The following RDX variants were observed in gnomAD, a reference collection of about 807,000 sequenced individuals.
RDX encodes radixin.
Under a neutral mutation model 83.7 loss-of-function variants are expected in RDX, and 32 were observed. The observed-to-expected ratio is 0.38, with a 90% CI of 0.29 to 0.51. RDX has a LOEUF of 0.51. Among genes scored for constraint, RDX ranks in the 20% least tolerant of loss-of-function variants. The pLI, the probability that RDX is intolerant of heterozygous loss-of-function variation, is 0.87. For missense variants in RDX, 600 were observed against 689.9 expected, an observed-to-expected ratio of 0.87 and a Z score of 1.46; for synonymous variants, 229 against 222.7, an observed-to-expected ratio of 1.03 and a Z score of -0.25.
Position 110,272,600 on chromosome 11 carries a change from G to A in RDX, c.32C>T (p.Thr11Ile). The change falls in exon 3 of 14, where the codon ACA becomes ATA. Residue 11 changes from threonine (T) to isoleucine (I), a missense_variant. Thr to Ile is a moderately conservative substitution (Grantham distance 89, BLOSUM62 -1). Transcript: ENST00000645495. MPKPINVRVT[T>I]MDAELEFAIQ... is the part of the protein sequence containing the mutation. ...GGCAAATTCCAGCTCAGCATCCATT[G>A]TAGTTACTCTTACGTTGATCTGTAA... The A allele has an allele frequency of 6.2e-7, 1 of 1,611,148 alleles. No individual in the cohort carries two copies. Among genetic ancestry groups the A allele is most frequent in the Non-Finnish European group, 8.5e-7 (1 of 1,178,360 alleles).
At position 110,247,775 on chromosome 11, in the gene RDX, T is replaced by G. The variant is rs1859168890; in HGVS notation, c.1018A>C (p.Ile340Leu). 6.2e-7 allele frequency: 1 copy of G among 1,605,580 alleles called. No homozygotes were observed. The highest frequency in any genetic ancestry group is 1.7e-5 in the Admixed American group (1 of 59,058). Residue 340 changes from isoleucine (I) to leucine (L), a missense_variant, in exon 10 of 14, where the codon ATA (isoleucine) becomes CTA (leucine). Coordinates refer to ENST00000645495, the MANE Select transcript of RDX (RefSeq NM_002906.4). ...ATTAGCTCTTCCTTTTCACGTTCTA[T>G]TCTTTCCTTTTCCTTTTCTGCTATT... ...REIAEKEKER[I>L]EREKEELMER...
chr11:110,282,403 TCTTC>T (rs1860799180), intron 1 of RDX, among the ~76,000 whole-genome samples: 1 of 152,088 alleles, frequency 6.6e-6, no homozygotes, highest in Non-Finnish European at 1.5e-5. Flanking sequence ...TATCAGCCTG[TCTTC>T]CTTTTTTTTT....
At chr11:110,294,332 T>C (rs1591194963) in intron 1 of RDX, among the ~76,000 whole-genome samples, 1 of 152,258 alleles carries the variant, frequency 6.6e-6, no homozygotes, top group East Asian at 1.9e-4. Context: ...GAGGCGGAGG[T>C]GCAGTGAGCC....
At chr11:110,180,332 C>T (rs1254456925) in intron 15 of RDX, among the ~76,000 whole-genome samples, 2 of 152,164 alleles carry the variant, frequency 1.3e-5, no homozygotes, top group Non-Finnish European at 2.9e-5. Context: ...CCCCAACCCC[C>T]ATATGGCCAA....
rs144543614 is a variant in RDX at position 110,264,073 on chromosome 11, C to A, written c.354G>T (p.Pro118=). Residue 118 remains proline (P), a synonymous_variant, in exon 5 of 14, where the codon CCG becomes CCT. Coordinates refer to ENST00000645495, the MANE Select transcript of RDX (RefSeq NM_002906.4). ...EAILNDEIYC[P]PETAVLLASY... ...AAGCCAAAAGAACTGCAGTTTCTGG[C>A]GGGCAATATATCTCATCATTTAAGA... is the stretch of plus-strand genomic sequence containing the variant. 606 of 1,613,698 alleles carry A rather than the reference C, an allele frequency of 3.8e-4. 6 individuals are homozygous for A. In the East Asian group the frequency reaches 7.4e-3, roughly 20 times the overall value.
chr11:110,201,903 T>TTGTGTGTGTGTGTGTG (rs141731309), intron 14 of RDX, among the ~76,000 whole-genome samples: 75 of 137,318 alleles, frequency 5.5e-4, no homozygotes, highest in South Asian at 1.0e-3. Flanking sequence ...CCGGCTAATT[T>TTGTGTGTGTGTGTGTG]TGTGTGTGTG....
At chr11:110,184,285 T>C (rs1460349211) in intron 15 of RDX, among the ~76,000 whole-genome samples, 1 of 152,148 alleles carries the variant, frequency 6.6e-6, no homozygotes. Context: ...GCTCTGACCA[T>C]GAAATATTGG....
At chr11:110,190,067 G>A (rs987593658) in intron 15 of RDX, among the ~76,000 whole-genome samples, 1 of 151,908 alleles carries the variant, frequency 6.6e-6, no homozygotes, top group Non-Finnish European at 1.5e-5. Flanking sequence ...TAGGCAACAA[G>A]AGCGAAACTC....
intron 14 of RDX, among the ~76,000 whole-genome samples, chr11:110,215,729 A>G (rs1231075208): frequency 2.0e-5 from 3 of 152,218 alleles, no homozygotes; most frequent in African/African-American, 7.2e-5. Flanking sequence ...AGTTGGCTTT[A>G]AACTGGAAAG....
chr11:110,180,446 G>A (rs892089097), intron 15 of RDX, among the ~76,000 whole-genome samples: 2 of 152,120 alleles, frequency 1.3e-5, no homozygotes, highest in African/African-American at 4.8e-5. Context: ...AGTGTCTCCT[G>A]CTGGAGTCCC....
At chr11:110,190,900 G>A (rs771158373) in intron 15 of RDX, among the ~76,000 whole-genome samples, 9 of 152,140 alleles carry the variant, frequency 5.9e-5, no homozygotes, top group African/African-American at 1.4e-4. Flanking sequence ...GGAAGAAATC[G>A]AAACTCTGAA....
intron 13 of RDX, among the ~76,000 whole-genome samples, chr11:110,232,929 T>C (rs1274432179): frequency 6.6e-6 from 1 of 152,220 alleles, no homozygotes; most frequent in African/African-American, 2.4e-5. Context: ...ATGTACATAT[T>C]ACTGATCAAA....
chr11:110,251,163 T>C (rs1859323463), intron 9 of RDX, among the ~76,000 whole-genome samples: 1 of 152,178 alleles, frequency 6.6e-6, no homozygotes, highest in Non-Finnish European at 1.5e-5. Flanking sequence ...TTATTTGGAG[T>C]TTGGGTTTGA....
chr11:110,254,138 T>C, intron 8 of RDX, 29 bp from the exon 9 acceptor site: 8 of 1,594,984 alleles, frequency 5.0e-6, no homozygotes, highest in Non-Finnish European at 6.9e-6. Flanking sequence ...GAATTTAAAA[T>C]CTTCCTCAAG....
intron 2 of RDX, among the ~76,000 whole-genome samples, chr11:110,278,858 C>CA (rs202212312): frequency 0.011 from 1,124 of 101,552 alleles, 11 homozygotes; most frequent in African/African-American, 0.031. Flanking sequence ...AAGAAACATT[C>CA]AAAAAAAAAA....
At chr11:110,289,396 T>C (rs1175030057) in intron 1 of RDX, among the ~76,000 whole-genome samples, 2 of 152,204 alleles carry the variant, frequency 1.3e-5, no homozygotes, top group Non-Finnish European at 2.9e-5. Flanking sequence ...GTAATTACCA[T>C]GCTGCTTGTT....
intron 10 of RDX, among the ~76,000 whole-genome samples, chr11:110,239,459 A>AT (rs1384211088): frequency 2.0e-5 from 3 of 152,374 alleles, no homozygotes; most frequent in Admixed American, 2.0e-4. Context: ...AAAAACCAGA[A>AT]TATATAAAGA....
chr11:110,176,941 C>T (rs1056381255), intron 15 of RDX, among the ~76,000 whole-genome samples: 2 of 152,196 alleles, frequency 1.3e-5, no homozygotes, highest in African/African-American at 2.4e-5. Context: ...ATCGCACAGT[C>T]GGCTGGCCTG....
chr11:110,225,371 T>C (rs1056324828), downstream of RDX, among the ~76,000 whole-genome samples: 1 of 152,188 alleles, frequency 6.6e-6, no homozygotes, highest in Admixed American at 6.5e-5. Context: ...TCTGGGATAA[T>C]GGATTAATAT....
Sources: gnomAD v4.1 joint callset for allele counts (sites outside exome capture counted in the v4.1 genomes callset) on GRCh38, gnomAD v4.1.1 for gene constraint, MANE v1.5 for transcripts, NCBI Gene and HGNC (gene_info 2026-07-23, HGNC 2026-07-21) for gene names.